The following MYO9A variants were observed in gnomAD, a reference collection of about 807,000 sequenced individuals.
MYO9A encodes unconventional myosin-IXa.
A neutral mutation model predicts 293.3 loss-of-function variants in MYO9A; 103 were observed. That is an observed-to-expected ratio of 0.35 (90% CI 0.30 to 0.41). The LOEUF is 0.41. Among genes scored for constraint, MYO9A ranks in the 10% least tolerant of loss-of-function variants. MYO9A has a pLI of 1.00. For missense variants in MYO9A, 2,685 were observed against 3,033.0 expected, an observed-to-expected ratio of 0.89 and a Z score of 2.69; for synonymous variants, 1,001 against 1,035.7, an observed-to-expected ratio of 0.97 and a Z score of 0.64.
At chr15:72,037,261 CAAAAAAA>C (rs61042231) in intron 2 of MYO9A, among the ~76,000 whole-genome samples, 1 of 74,284 alleles carries the variant, frequency 1.3e-5, no homozygotes, top group Non-Finnish European at 2.7e-5. Flanking sequence ...CAGAATGGGG[CAAAAAAA>C]AAAAAAAAAA....
intron 2 of MYO9A, chr15:72,041,374 A>T (rs575786670): frequency 2.0e-6 from 1 of 489,790 alleles, no homozygotes. Flanking sequence ...TCTTGAATGC[A>T]TATCAGTTGA....
intron 1 of MYO9A, among the ~76,000 whole-genome samples, chr15:72,102,348 C>T (rs1366230136): frequency 1.3e-5 from 2 of 150,968 alleles, no homozygotes; most frequent in South Asian, 2.1e-4. Context: ...ACAAATACTG[C>T]GGAAGGCCGC....
intron 15 of MYO9A, among the ~76,000 whole-genome samples, chr15:71,940,357 T>C (rs1250609630): frequency 6.6e-6 from 1 of 151,984 alleles, no homozygotes; most frequent in African/African-American, 2.4e-5. Context: ...TAGCTGAGTG[T>C]AGTGGCTCAC....
intron 1 of MYO9A, among the ~76,000 whole-genome samples, chr15:72,080,496 CAGTA>C (rs2150360536): frequency 6.6e-6 from 1 of 151,796 alleles, no homozygotes; most frequent in Non-Finnish European, 1.5e-5. Flanking sequence ...CTCAAGGAGA[CAGTA>C]AGAGCCAGAA....
At chr15:72,015,127 C>T (rs1311780987) in intron 6 of MYO9A, among the ~76,000 whole-genome samples, 1 of 151,304 alleles carries the variant, frequency 6.6e-6, no homozygotes, top group Non-Finnish European at 1.5e-5. Flanking sequence ...ACAAGCGTGA[C>T]CCACCGCACC....
intron 19 of MYO9A, among the ~76,000 whole-genome samples, chr15:71,911,955 T>C (rs2057864484): frequency 2.6e-5 from 4 of 152,138 alleles, no homozygotes; most frequent in Non-Finnish European, 4.4e-5. Context: ...TATTTATCAG[T>C]CTGAATTTTC....
At position 71,830,303 on chromosome 15, in the gene MYO9A, C is replaced by T. The variant is rs746356546; in HGVS notation, c.6846G>A (p.Gly2282=). 3 of 1,613,356 alleles carry T rather than the reference C, an allele frequency of 1.9e-6. No individual in the cohort carries two copies. Among genetic ancestry groups the T allele is most frequent in the South Asian group, 1.1e-5 (1 of 90,966 alleles). The change falls in exon 40 of 42, where the codon GGG becomes GGA. Residue 2282 remains glycine, a synonymous_variant. Coordinates refer to ENST00000356056, the MANE Select transcript of MYO9A (RefSeq NM_006901.4). ...CTGGATAGTTTCCTCGACGAATACGCCCCTTTCCCTGCAGAGAAAAATTCA... is the reference window on the plus strand; with the variant it reads ...CTGGATAGTTTCCTCGACGAATACGTCCCTTTCCCTGCAGAGAAAAATTCA... ...LSLIRRSMGK[G]RIRRGNYPGP... is the part of the protein sequence containing the mutation.
chr15:71,990,599 C>CA (rs1266453975), intron 11 of MYO9A, among the ~76,000 whole-genome samples: 2 of 151,584 alleles, frequency 1.3e-5, no homozygotes, highest in South Asian at 2.1e-4. Context: ...ACTAAAAATA[C>CA]AAAAAAATTA....
At chr15:72,087,469 T>C (rs554187087) in intron 1 of MYO9A, among the ~76,000 whole-genome samples, 55 of 152,180 alleles carry the variant, frequency 3.6e-4, no homozygotes, top group Non-Finnish European at 6.6e-4. Context: ...TTGAGGGATC[T>C]CCTCCTGCCA....
At chr15:71,944,019 T>A (rs957233225) in intron 15 of MYO9A, among the ~76,000 whole-genome samples, 6 of 152,140 alleles carry the variant, frequency 3.9e-5, no homozygotes, top group African/African-American at 1.4e-4. Context: ...CACATCCTTA[T>A]CAGTTCGTAT....
intron 10 of MYO9A, among the ~76,000 whole-genome samples, chr15:71,991,826 T>C (rs752009425): frequency 2.2e-4 from 33 of 152,224 alleles, no homozygotes; most frequent in Admixed American, 6.5e-4. Flanking sequence ...TGATCTCAGT[T>C]CACTGTAACC....
intron 1 of MYO9A, among the ~76,000 whole-genome samples, chr15:72,101,008 G>A (rs2080281144): frequency 1.5e-5 from 2 of 137,072 alleles, no homozygotes; most frequent in Admixed American, 1.4e-4. Context: ...GCCCCGTCCG[G>A]GAGGGAGGTA....
At chr15:72,058,980 CTTT>C (rs1341659238) in intron 1 of MYO9A, among the ~76,000 whole-genome samples, 3 of 152,100 alleles carry the variant, frequency 2.0e-5, no homozygotes, top group Non-Finnish European at 2.9e-5. Flanking sequence ...TTTGTTTTTG[CTTT>C]TTTATCAAAA....
At chr15:71,828,284 G>A (rs1244374400) in intron 40 of MYO9A, among the ~76,000 whole-genome samples, 1 of 152,136 alleles carries the variant, frequency 6.6e-6, no homozygotes, top group Non-Finnish European at 1.5e-5. Flanking sequence ...AGATGTAGTG[G>A]TGAGATCTTT....
chr15:71,964,665 T>C (rs1168474049), intron 13 of MYO9A, among the ~76,000 whole-genome samples: 1 of 150,822 alleles, frequency 6.6e-6, no homozygotes, highest in African/African-American at 2.4e-5. Context: ...CATGTGCCTG[T>C]AGTCCCAGCT....
chr15:71,850,483 C>T (rs1287926813), intron 37 of MYO9A, among the ~76,000 whole-genome samples: 3 of 152,054 alleles, frequency 2.0e-5, no homozygotes, highest in Non-Finnish European at 4.4e-5. Flanking sequence ...AATGCAGAAT[C>T]GGCCAGGCAC....
At chr15:71,911,325 CT>C (rs2057844323) in intron 19 of MYO9A, among the ~76,000 whole-genome samples, 1 of 152,072 alleles carries the variant, frequency 6.6e-6, no homozygotes, top group African/African-American at 2.4e-5. Context: ...ACCAATCAGC[CT>C]TTTCAAAGGG....
intron 13 of MYO9A, among the ~76,000 whole-genome samples, chr15:71,966,591 T>C (rs1202762541): frequency 6.6e-6 from 1 of 152,042 alleles, no homozygotes; most frequent in African/African-American, 2.4e-5. Context: ...TAGCCAGAGG[T>C]CACTTACTCA....
At chr15:71,833,621 T>C (rs2054819828) in intron 39 of MYO9A, among the ~76,000 whole-genome samples, 1 of 152,136 alleles carries the variant, frequency 6.6e-6, no homozygotes, top group Admixed American at 6.5e-5. Flanking sequence ...AGTATCTAAC[T>C]AGAGAATACT....
Sources: gnomAD v4.1 joint callset for allele counts (sites outside exome capture counted in the v4.1 genomes callset) on GRCh38, gnomAD v4.1.1 for gene constraint, MANE v1.5 for transcripts, NCBI Gene and HGNC (gene_info 2026-07-23, HGNC 2026-07-21) for gene names.